The following LRRTM3 variants were observed in gnomAD, a reference collection of about 807,000 sequenced individuals.
LRRTM3 encodes leucine rich repeat transmembrane neuronal 3.
Under a neutral mutation model 44.7 loss-of-function variants are expected in LRRTM3, and 24 were observed. The observed-to-expected ratio is 0.54, with a 90% CI of 0.39 to 0.76. The LOEUF (loss-of-function observed/expected upper bound fraction) is 0.76, where lower values mean the gene tolerates loss of function less well. Among genes scored for constraint, LRRTM3 ranks in the 30% least tolerant of loss-of-function variants. The pLI, the probability that LRRTM3 is intolerant of heterozygous loss-of-function variation, is 0.00. For missense variants in LRRTM3, 587 were observed against 702.2 expected, an observed-to-expected ratio of 0.84 and a Z score of 1.85; for synonymous variants, 277 against 278.7, an observed-to-expected ratio of 0.99 and a Z score of 0.06.
intron 2 of LRRTM3, chr10:67,015,152 A>G (rs1389768627): frequency 6.6e-6 from 1 of 152,148 alleles, no homozygotes; most frequent in Non-Finnish European, 1.5e-5. Context: ...ATTAACTGAT[A>G]CCTCTTCCAA....
Position 66,928,341 on chromosome 10 carries a change from C to A in LRRTM3, c.1425C>A (p.Ser475Arg), listed in dbSNP as rs1847190119. The part of the protein sequence containing the change: ...KRQSLKQMTP[S>R]TQEFYVDYKP... The stretch of plus-strand genomic sequence containing the variant: ...AGTCCCTAAAGCAAATGACTCCCAG[C>A]ACCCAGGAATTTTATGTAGATTATA... The change falls in exon 2 of 3, where the codon AGC becomes AGA. Residue 475 changes from serine (S) to arginine (R), a missense_variant. Transcript: ENST00000361320. The A allele has an allele frequency of 6.2e-7, 1 of 1,614,034 alleles. No individual in the cohort carries two copies. The highest frequency in any genetic ancestry group is 8.5e-7 in the Non-Finnish European group (1 of 1,180,048).
At chr10:66,973,974 C>T (rs1017852342) in intron 2 of LRRTM3, among the ~76,000 whole-genome samples, 1 of 152,098 alleles carries the variant, frequency 6.6e-6, no homozygotes, top group Non-Finnish European at 1.5e-5. Context: ...AAACAAAATG[C>T]ATAAAGTATA....
intron 2 of LRRTM3, among the ~76,000 whole-genome samples, chr10:66,967,388 A>G (rs987365746): frequency 3.3e-5 from 5 of 151,852 alleles, no homozygotes; most frequent in Non-Finnish European, 5.9e-5. Flanking sequence ...ATATCTACAT[A>G]TGTGTATATA....
chr10:66,926,793 T>A, intron 1 of LRRTM3, 128 bp from the exon 2 acceptor site: 1 of 966,248 alleles, frequency 1.0e-6, no homozygotes, highest in Non-Finnish European at 1.5e-6. Flanking sequence ...TACAAAGAGA[T>A]AATATGTGAT....
At chr10:67,025,581 C>T (rs901129062) in intron 2 of LRRTM3, among the ~76,000 whole-genome samples, 8 of 152,022 alleles carry the variant, frequency 5.3e-5, no homozygotes, top group South Asian at 2.1e-4. Flanking sequence ...GAGAATAGCT[C>T]GGTTTCTGAC....
Position 67,051,528 on chromosome 10 carries a change from C to T in LRRTM3, c.1537-46059C>T, listed in dbSNP as rs187486352. Reference sequence around the variant, plus strand: ...AGGCTGGAGTGCAGTGGTGCAATCTCGGCTCACTGCAACCTCCGCCTTCCA... The same window carrying T: ...AGGCTGGAGTGCAGTGGTGCAATCTTGGCTCACTGCAACCTCCGCCTTCCA... On this transcript the variant is annotated intron_variant, in intron 2 of 2. Transcript: ENST00000361320. 2.3e-3 allele frequency among the ~76,000 whole-genome samples: 339 copies of T among 150,572 alleles called. 1 individual carries two copies. Among genetic ancestry groups the T allele is most frequent in the South Asian group, 3.8e-3 (18 of 4,774 alleles).
At chr10:66,985,030 G>A (rs1323342133) in intron 2 of LRRTM3, among the ~76,000 whole-genome samples, 7 of 152,026 alleles carry the variant, frequency 4.6e-5, no homozygotes, top group Admixed American at 4.6e-4. Context: ...CAAACATACA[G>A]AGCTCATCCC....
intron 2 of LRRTM3, among the ~76,000 whole-genome samples, chr10:67,021,533 A>G (rs1853015488): frequency 6.6e-6 from 1 of 152,152 alleles, no homozygotes; most frequent in Non-Finnish European, 1.5e-5. Context: ...AAAAATTACA[A>G]TAAAAAATTT....
intron 2 of LRRTM3, among the ~76,000 whole-genome samples, chr10:67,055,902 T>G (rs1855399838): frequency 6.6e-6 from 1 of 152,148 alleles, no homozygotes; most frequent in South Asian, 2.1e-4. Flanking sequence ...AGTTATTGAC[T>G]GGGAATTCTG....
intron 2 of LRRTM3, among the ~76,000 whole-genome samples, chr10:67,021,584 G>A (rs1244241865): frequency 1.3e-5 from 2 of 151,866 alleles, no homozygotes; most frequent in African/African-American, 4.8e-5. Context: ...AATCATGAAA[G>A]TTATGTAGTG....
chr10:66,978,124 A>G (rs1850170174), intron 2 of LRRTM3, among the ~76,000 whole-genome samples: 1 of 152,138 alleles, frequency 6.6e-6, no homozygotes, highest in South Asian at 2.1e-4. Context: ...ATGATCCTAG[A>G]TAATTAAGAG....
intron 2 of LRRTM3, among the ~76,000 whole-genome samples, chr10:66,977,966 T>G (rs1039250922): frequency 6.6e-6 from 1 of 152,152 alleles, no homozygotes. Flanking sequence ...TTAGTCAAAC[T>G]TTTATTCCTA....
At chr10:67,094,617 C>A (rs1237456365) in intron 2 of LRRTM3, among the ~76,000 whole-genome samples, 1 of 151,494 alleles carries the variant, frequency 6.6e-6, no homozygotes, top group Non-Finnish European at 1.5e-5. Flanking sequence ...ATCTGATTAG[C>A]CACAAAAGAA....
intron 2 of LRRTM3, among the ~76,000 whole-genome samples, chr10:67,078,920 T>C (rs909515623): frequency 2.6e-5 from 4 of 152,224 alleles, no homozygotes; most frequent in Non-Finnish European, 4.4e-5. Context: ...AATATGCCAA[T>C]GCAATGCAGT....
At chr10:66,997,973 A>G (rs1210598920) in intron 2 of LRRTM3, among the ~76,000 whole-genome samples, 1 of 152,122 alleles carries the variant, frequency 6.6e-6, no homozygotes, top group Non-Finnish European at 1.5e-5. Context: ...TTCATCATTC[A>G]TCACTTGGAT....
chr10:67,033,947 T>A (rs1853887438), intron 2 of LRRTM3, among the ~76,000 whole-genome samples: 1 of 152,106 alleles, frequency 6.6e-6, no homozygotes, highest in Non-Finnish European at 1.5e-5. Flanking sequence ...AATTTTTGTA[T>A]TTTTAATAGA....
At chr10:66,999,852 GT>G (rs1164300477) in intron 2 of LRRTM3, among the ~76,000 whole-genome samples, 1 of 152,030 alleles carries the variant, frequency 6.6e-6, no homozygotes, top group Non-Finnish European at 1.5e-5. Context: ...TTCCTAAAAT[GT>G]TTTCCTAATA....
chr10:66,980,305 T>G (rs1022427330), intron 2 of LRRTM3, among the ~76,000 whole-genome samples: 2 of 152,180 alleles, frequency 1.3e-5, no homozygotes, highest in Non-Finnish European at 2.9e-5. Context: ...TCAACAAAGA[T>G]AATTCTTTCA....
intron 2 of LRRTM3, among the ~76,000 whole-genome samples, chr10:66,989,999 C>T (rs1850956296): frequency 6.6e-6 from 1 of 152,150 alleles, no homozygotes; most frequent in South Asian, 2.1e-4. Context: ...TTTTCAGGCA[C>T]ATATATATTA....
Sources: gnomAD v4.1 joint callset for allele counts (sites outside exome capture counted in the v4.1 genomes callset) on GRCh38, gnomAD v4.1.1 for gene constraint, MANE v1.5 for transcripts, NCBI Gene and HGNC (gene_info 2026-07-23, HGNC 2026-07-21) for gene names.